Variants in CX3CR1 observed in about 807,000 individuals in gnomAD.
CX3CR1 encodes the protein CX3C chemokine receptor 1.
For synonymous variants in CX3CR1, 168 were observed against 178.5 expected, an observed-to-expected ratio of 0.94 and a Z score of 0.47; for missense variants, 363 against 432.4, an observed-to-expected ratio of 0.84 and a Z score of 1.42.
upstream of CX3CR1, chr3:39,280,585 G>T (rs1410982019): frequency 1.8e-6 from 1 of 547,430 alleles, no homozygotes; most frequent in African/African-American, 2.0e-5. Flanking sequence ...AAGGCATCTA[G>T]TGAGTACCTT....
At chr3:39,271,421 G>A (rs1323537726) in intron 1 of CX3CR1, among the ~76,000 whole-genome samples, 1 of 152,176 alleles carries the variant, frequency 6.6e-6, no homozygotes, top group Non-Finnish European at 1.5e-5. Context: ...AGCAAGAAAA[G>A]AGATTCGTCA....
chr3:39,267,935 G>T (rs952246005), intron 1 of CX3CR1, among the ~76,000 whole-genome samples: 4 of 152,198 alleles, frequency 2.6e-5, no homozygotes, highest in African/African-American at 9.7e-5. Context: ...GCTCCTCTGG[G>T]CGTCTCCTCG....
At chr3:39,284,338 T>C (rs915325778), upstream of CX3CR1, among the ~76,000 whole-genome samples, 4 of 152,150 alleles carry the variant, frequency 2.6e-5, no homozygotes, top group Non-Finnish European at 5.9e-5. Flanking sequence ...ATTTTTGTAT[T>C]TTTAGTGGAG....
intron 1 of CX3CR1, among the ~76,000 whole-genome samples, chr3:39,278,825 G>A (rs1249132487): frequency 6.6e-6 from 1 of 151,666 alleles, no homozygotes; most frequent in Non-Finnish European, 1.5e-5. Flanking sequence ...CCTCAGCTGG[G>A]GCCTCTGATG....
chr3:39,286,022 G>A (rs1335571409), upstream of CX3CR1: 2 of 152,220 alleles, frequency 1.3e-5, no homozygotes, highest in Non-Finnish European at 2.9e-5. Flanking sequence ...TCATGAGTCT[G>A]TATCATTGGC....
upstream of CX3CR1, chr3:39,286,115 G>A (rs1559372471): frequency 6.6e-6 from 1 of 152,226 alleles, no homozygotes; most frequent in Non-Finnish European, 1.5e-5. Context: ...ATGTGGCATT[G>A]TATGACTACA....
In CX3CR1 at chr3:39,264,839, T is replaced by C. The variant is rs1207574302; in HGVS notation, c.*603A>G. On this transcript the variant is annotated 3_prime_UTR_variant, in exon 2 of 2. Transcript: ENST00000399220. ...TATGTATTTCTGCTTCTCCATGAGA[T>C]TGGACTGGAAGCTTCCATCTTATAT... The C allele has an allele frequency of 6.6e-6, 1 of 152,326 alleles. No individual in the cohort carries two copies. The highest frequency in any genetic ancestry group is 6.5e-5 in the Admixed American group (1 of 15,278). The allele number at this position is 152,326 out of a possible 1,614,324, so 9.4% of individuals were successfully genotyped here. A position where few individuals can be genotyped will look rare whatever the true frequency, so the allele number is the denominator to read the frequency against.
chr3:39,268,448 T>C (rs56234753), intron 1 of CX3CR1, among the ~76,000 whole-genome samples: 1 of 152,232 alleles, frequency 6.6e-6, no homozygotes, highest in Admixed American at 6.5e-5. Flanking sequence ...AAATTGCTAC[T>C]TAGTGCCTGC....
chr3:39,288,643 T>A, the CX3CR1 span, among the ~76,000 whole-genome samples: 1 of 152,180 alleles, frequency 6.6e-6, no homozygotes, highest in Non-Finnish European at 1.5e-5. Flanking sequence ...TTGGTTTTAC[T>A]CAAAACACTT....
At position 39,270,534 on chromosome 3, in the gene CX3CR1, G is replaced by T. The variant is rs186868441; in HGVS notation, c.-9-4016C>A. ...CAGGCAGATCTGTATATTCTGTCAT[G>T]CAACAATCTCTAAGATATACTGGTA... is the stretch of plus-strand genomic sequence containing the variant. On this transcript the variant is annotated intron_variant, in intron 1 of 1. Transcript: ENST00000399220. Among the ~76,000 whole-genome samples, 31 of 152,334 alleles carry T rather than the reference G, an allele frequency of 2.0e-4. No individual in the cohort carries two copies. In the East Asian group the frequency reaches 4.1e-3, roughly 20 times the overall value.
upstream of CX3CR1, among the ~76,000 whole-genome samples, chr3:39,281,902 T>C (rs190842431): frequency 2.4e-4 from 36 of 152,310 alleles, no homozygotes; most frequent in Non-Finnish European, 4.0e-4. Context: ...AGCACAGGGC[T>C]TCATGCTTGG....
chr3:39,291,212 A>G, the CX3CR1 span, among the ~76,000 whole-genome samples: 2 of 151,858 alleles, frequency 1.3e-5, no homozygotes, highest in East Asian at 3.9e-4. Flanking sequence ...GCCTGCCACT[A>G]TGTCCACCTA....
At chr3:39,288,259 G>T in the CX3CR1 span, among the ~76,000 whole-genome samples, 43,211 of 152,066 alleles carry the variant, frequency 0.28, 7,589 homozygotes, top group East Asian at 0.71. Context: ...CACAAGCAAT[G>T]CATCTCCAAC....
intron 1 of CX3CR1, among the ~76,000 whole-genome samples, chr3:39,277,851 T>C (rs2040857318): frequency 6.6e-6 from 1 of 152,216 alleles, no homozygotes; most frequent in Non-Finnish European, 1.5e-5. Context: ...TTTTCAGGTA[T>C]CCAAACTTTC....
At chr3:39,287,319 G>A in the CX3CR1 span, 1 of 152,168 alleles carries the variant, frequency 6.6e-6, no homozygotes, top group African/African-American at 2.4e-5. Flanking sequence ...GCTGTAGAAG[G>A]TATTTATTTT....
upstream of CX3CR1, chr3:39,281,653 A>G: frequency 6.3e-7 from 1 of 1,599,228 alleles, no homozygotes; most frequent in Non-Finnish European, 8.5e-7. Context: ...CTCTTCCTGA[A>G]ATCCAAGTCT....
At chr3:39,276,928 G>A (rs979438553) in intron 1 of CX3CR1, among the ~76,000 whole-genome samples, 5 of 152,146 alleles carry the variant, frequency 3.3e-5, no homozygotes, top group Non-Finnish European at 7.4e-5. Flanking sequence ...GGTCAGGAAG[G>A]GACATGAGAG....
At chr3:39,281,771 T>TCCCC, upstream of CX3CR1, 1 of 1,097,430 alleles carries the variant, frequency 9.1e-7, no homozygotes, top group Non-Finnish European at 1.3e-6. Flanking sequence ...CACTTCCACT[T>TCCCC]CCCCCAACAT....
chr3:39,278,700 A>C (rs1274764490), intron 1 of CX3CR1, among the ~76,000 whole-genome samples: 1 of 140,906 alleles, frequency 7.1e-6, no homozygotes, highest in African/African-American at 2.7e-5. Flanking sequence ...AAGAATCCTA[A>C]ACTTTCTTAG....
Sources: gnomAD v4.1 joint callset for allele counts (sites outside exome capture counted in the v4.1 genomes callset) on GRCh38, gnomAD v4.1.1 for gene constraint, MANE v1.5 for transcripts, NCBI Gene and HGNC (gene_info 2026-07-23, HGNC 2026-07-21) for gene names.